Variants in ALCAM observed in about 807,000 individuals in gnomAD.
ALCAM encodes activated leukocyte cell adhesion molecule.
A neutral mutation model predicts 70.9 loss-of-function variants in ALCAM; 30 were observed. The ratio of observed to expected loss-of-function variants is 0.42; its 90% CI spans 0.32 to 0.57. The LOEUF is 0.57. ALCAM is among the 20% of genes least tolerant of loss of function. ALCAM has a pLI of 0.11. For synonymous variants in ALCAM, 249 were observed against 242.5 expected (o/e 1.03, Z -0.25); for missense variants, 591 against 695.1 (o/e 0.85, Z 1.68).
chr3:105,530,688 A>T (rs1244400651), intron 3 of ALCAM, among the ~76,000 whole-genome samples: 1 of 152,048 alleles, frequency 6.6e-6, no homozygotes, highest in Non-Finnish European at 1.5e-5. Context: ...CCCTCTTATA[A>T]TTAAAGAGCA....
intron 1 of ALCAM, among the ~76,000 whole-genome samples, chr3:105,436,563 G>A (rs997619404): frequency 2.6e-5 from 4 of 151,982 alleles, no homozygotes; most frequent in Non-Finnish European, 4.4e-5. Flanking sequence ...TCCTGACCTC[G>A]TGATCTACCC....
chr3:105,375,250 G>A (rs915269949), intron 1 of ALCAM, among the ~76,000 whole-genome samples: 4 of 152,148 alleles, frequency 2.6e-5, no homozygotes, highest in Admixed American at 6.5e-5. Flanking sequence ...TATGCCTCAT[G>A]AGCTGGTACA....
chr3:105,437,001 A>G (rs1478717602), intron 1 of ALCAM, among the ~76,000 whole-genome samples: 1 of 152,234 alleles, frequency 6.6e-6, no homozygotes, highest in Non-Finnish European at 1.5e-5. Flanking sequence ...AAGTGTTACC[A>G]TGTGTCCTGT....
chr3:105,367,352 G>C lies in ALCAM; in HGVS notation c.-57G>C. On this transcript the variant is annotated 5_prime_UTR_variant, in exon 1 of 16. Coordinates refer to ENST00000306107, the MANE Select transcript of ALCAM (RefSeq NM_001627.4). ...GCGCGGGCACCGCGGGGCCCGGGAC[G>C]ACGCCCCCTCCTGCGGCGTGGACTC... The C allele has an allele frequency of 6.3e-7, 1 of 1,586,660 alleles. No individual in the cohort carries two copies. The highest frequency in any genetic ancestry group is 1.7e-5 in the Admixed American group (1 of 57,486).
chr3:105,455,613 T>G (rs1298931753), intron 1 of ALCAM, among the ~76,000 whole-genome samples: 1 of 151,932 alleles, frequency 6.6e-6, no homozygotes, highest in East Asian at 1.9e-4. Flanking sequence ...CCAGACAAAA[T>G]TGAGGACTAA....
intron 1 of ALCAM, among the ~76,000 whole-genome samples, chr3:105,379,717 G>T (rs1312334680): frequency 2.0e-5 from 3 of 151,748 alleles, no homozygotes; most frequent in Non-Finnish European, 1.5e-5. Flanking sequence ...TATGAGCACT[G>T]TAGGATGCTT....
chr3:105,565,938 C>G (rs1043148956), intron 14 of ALCAM, among the ~76,000 whole-genome samples: 1 of 152,172 alleles, frequency 6.6e-6, no homozygotes, highest in East Asian at 1.9e-4. Context: ...AGTGAAAACT[C>G]TTTTCTGCTT....
intron 6 of ALCAM, 137 bp from the exon 7 acceptor site, chr3:105,539,838 T>A: frequency 1.3e-6 from 1 of 791,640 alleles, no homozygotes; most frequent in Non-Finnish European, 1.9e-6. Flanking sequence ...TCAATCCTTC[T>A]ATAAAAAGGT....
intron 1 of ALCAM, among the ~76,000 whole-genome samples, chr3:105,404,699 A>G (rs1217275638): frequency 6.6e-6 from 1 of 151,534 alleles, no homozygotes; most frequent in East Asian, 1.9e-4. Flanking sequence ...GGTATTTAGG[A>G]AAAAAAATAG....
intron 1 of ALCAM, among the ~76,000 whole-genome samples, chr3:105,409,052 T>A (rs1331610784): frequency 6.6e-6 from 1 of 152,026 alleles, no homozygotes; most frequent in Non-Finnish European, 1.5e-5. Flanking sequence ...AAATAATTGA[T>A]GTTGGAATGG....
At chr3:105,443,656 A>C (rs1937230604) in intron 1 of ALCAM, among the ~76,000 whole-genome samples, 1 of 152,222 alleles carries the variant, frequency 6.6e-6, no homozygotes, top group Admixed American at 6.5e-5. Flanking sequence ...ACATCTTATT[A>C]AACAATGGAC....
chr3:105,408,783 C>T (rs914456197), intron 1 of ALCAM, among the ~76,000 whole-genome samples: 3 of 151,974 alleles, frequency 2.0e-5, no homozygotes, highest in African/African-American at 7.2e-5. Flanking sequence ...GTAGGAGAAA[C>T]TCTTCACAAT....
chr3:105,453,187 A>G (rs1261403833), intron 1 of ALCAM, among the ~76,000 whole-genome samples: 1 of 152,120 alleles, frequency 6.6e-6, no homozygotes, highest in Non-Finnish European at 1.5e-5. Context: ...GTTTTCTTCC[A>G]GGGTTATTAT....
chr3:105,459,513 G>A (rs1057282426), intron 1 of ALCAM, among the ~76,000 whole-genome samples: 7 of 151,816 alleles, frequency 4.6e-5, no homozygotes, highest in African/African-American at 1.5e-4. Flanking sequence ...GCCTGCTTTC[G>A]GTGGGCAATA....
At chr3:105,482,817 A>G (rs1383477193) in intron 1 of ALCAM, among the ~76,000 whole-genome samples, 1 of 152,144 alleles carries the variant, frequency 6.6e-6, no homozygotes, top group Non-Finnish European at 1.5e-5. Context: ...CAAATTTCAG[A>G]ATTTGTGGAG....
At chr3:105,498,191 T>G (rs1938812659) in intron 1 of ALCAM, among the ~76,000 whole-genome samples, 1 of 152,176 alleles carries the variant, frequency 6.6e-6, no homozygotes, top group African/African-American at 2.4e-5. Flanking sequence ...AGTGGTTAAA[T>G]ATATTCAAAG....
chr3:105,568,758 A>G (rs569226647), intron 14 of ALCAM, among the ~76,000 whole-genome samples: 1 of 152,050 alleles, frequency 6.6e-6, no homozygotes, highest in South Asian at 2.1e-4. Context: ...GCCATGTAAA[A>G]TTTTCTTTCA....
At chr3:105,418,491 G>C (rs1395638040) in intron 1 of ALCAM, among the ~76,000 whole-genome samples, 2 of 151,264 alleles carry the variant, frequency 1.3e-5, no homozygotes, top group Non-Finnish European at 3.0e-5. Flanking sequence ...ACTACCATGA[G>C]ATTTAAAGCA....
chr3:105,523,661 A>T (rs1016682891), intron 2 of ALCAM, among the ~76,000 whole-genome samples: 1 of 152,200 alleles, frequency 6.6e-6, no homozygotes, highest in African/African-American at 2.4e-5. Flanking sequence ...ATGTTTTTGT[A>T]TGAAAGACTT....
Sources: gnomAD v4.1 joint callset for allele counts (sites outside exome capture counted in the v4.1 genomes callset) on GRCh38, gnomAD v4.1.1 for gene constraint, MANE v1.5 for transcripts, NCBI Gene and HGNC (gene_info 2026-07-23, HGNC 2026-07-21) for gene names.